Variants in TMEM150C observed in about 807,000 individuals in gnomAD.
TMEM150C encodes tentonin 3.
TMEM150C carries 10 observed loss-of-function variants against 29.9 expected under a neutral mutation model. The ratio of observed to expected loss-of-function variants is 0.33; its 90% CI spans 0.21 to 0.57. TMEM150C has a LOEUF of 0.57. Ranked by LOEUF, TMEM150C falls within the 20% of genes least tolerant of loss-of-function variation. The pLI is 0.88. For missense variants in TMEM150C, 251 were observed against 303.6 expected, an observed-to-expected ratio of 0.83 and a Z score of 1.29; for synonymous variants, 101 against 112.5, an observed-to-expected ratio of 0.90 and a Z score of 0.64.
chr4:82,535,121 C>G (rs1724964965), intron 1 of TMEM150C, among the ~76,000 whole-genome samples: 2 of 152,190 alleles, frequency 1.3e-5, no homozygotes, highest in South Asian at 4.1e-4. Flanking sequence ...ACATGGTTGT[C>G]TTAGTCCATT....
At chr4:82,557,419 A>G (rs1177536351) in intron 1 of TMEM150C, among the ~76,000 whole-genome samples, 2 of 152,170 alleles carry the variant, frequency 1.3e-5, no homozygotes, top group Non-Finnish European at 2.9e-5. Context: ...GATTGTAATC[A>G]AGGGAAGAGT....
chr4:82,561,372 C>CT (rs1380583367), intron 1 of TMEM150C, among the ~76,000 whole-genome samples: 1 of 152,246 alleles, frequency 6.6e-6, no homozygotes, highest in East Asian at 1.9e-4. Context: ...CAGGGCAAAG[C>CT]AAGTTAGTGC....
chr4:82,532,032 A>T (rs1422064484), intron 1 of TMEM150C, among the ~76,000 whole-genome samples: 2 of 152,180 alleles, frequency 1.3e-5, no homozygotes, highest in African/African-American at 2.4e-5. Flanking sequence ...CTTTGGCTGT[A>T]AACAAACAGA....
chr4:82,512,147 T>A (rs1428507848), intron 1 of TMEM150C, among the ~76,000 whole-genome samples: 1 of 152,188 alleles, frequency 6.6e-6, no homozygotes, highest in East Asian at 1.9e-4. Flanking sequence ...AGAATTTGCA[T>A]CCTTGATAGT....
intron 1 of TMEM150C, among the ~76,000 whole-genome samples, chr4:82,548,017 C>G (rs1430497995): frequency 2.0e-5 from 3 of 152,170 alleles, no homozygotes; most frequent in South Asian, 2.1e-4. Flanking sequence ...GAATACTATA[C>G]AGCCATAAAA....
At chr4:82,562,209 G>A (rs1472838135), upstream of TMEM150C, 3 of 1,285,876 alleles carry the variant, frequency 2.3e-6, no homozygotes, top group African/African-American at 4.6e-5. Context: ...TCCTTCCGAA[G>A]CCTTTGTGGA....
intron 1 of TMEM150C, among the ~76,000 whole-genome samples, chr4:82,551,288 A>G (rs542663816): frequency 7.8e-4 from 118 of 152,248 alleles, no homozygotes; most frequent in Non-Finnish European, 1.4e-3. Flanking sequence ...AGCATACACT[A>G]TACTATTTAT....
rs558114369 is a variant in TMEM150C, at chr4:82,521,702, A to T, written c.-10-17035T>A. On this transcript the variant is annotated intron_variant, in intron 1 of 7. Coordinates refer to ENST00000449862, the MANE Select transcript of TMEM150C (RefSeq NM_001080506.3). ...AGGAAATGCAAAATGTTTGTGGAGA[A>T]GACTCGGTGATGCAGAGGGGATGAC... 7.9e-5 allele frequency among the ~76,000 whole-genome samples: 12 copies of T among 152,308 alleles called. No individual in the cohort carries two copies. In the East Asian group the frequency reaches 2.1e-3, roughly 27 times the overall value.
intron 1 of TMEM150C, among the ~76,000 whole-genome samples, chr4:82,557,637 T>C (rs368116426): frequency 6.6e-6 from 1 of 152,074 alleles, no homozygotes; most frequent in East Asian, 1.9e-4. Context: ...AGCAGACACA[T>C]AGAAATTAAA....
intron 1 of TMEM150C, 33 bp downstream of exon 1, chr4:82,561,873 G>T: frequency 1.0e-6 from 1 of 984,036 alleles, no homozygotes; most frequent in Non-Finnish European, 1.2e-6. Context: ...GCTGCGCGAC[G>T]GGCCCAGGCA....
intron 1 of TMEM150C, among the ~76,000 whole-genome samples, chr4:82,505,772 A>G (rs1309269497): frequency 6.6e-6 from 1 of 152,238 alleles, no homozygotes; most frequent in African/African-American, 2.4e-5. Context: ...TTACAAAAAT[A>G]TAGAAATAAA....
intron 7 of TMEM150C, among the ~76,000 whole-genome samples, chr4:82,486,507 T>A (rs1723167176): frequency 6.6e-6 from 1 of 152,208 alleles, no homozygotes; most frequent in South Asian, 2.1e-4. Context: ...GTGGCTGGCC[T>A]GTCTCTTCTA....
intron 1 of TMEM150C, among the ~76,000 whole-genome samples, chr4:82,522,340 T>C (rs1362452006): frequency 2.0e-5 from 3 of 152,064 alleles, no homozygotes; most frequent in Non-Finnish European, 4.4e-5. Context: ...AAGATGGGAG[T>C]AAGCTCCAAT....
chr4:82,485,792 G>T, intron 7 of TMEM150C, 73 bp from the exon 8 acceptor site: 1 of 1,381,394 alleles, frequency 7.2e-7, no homozygotes, highest in Non-Finnish European at 9.8e-7. Context: ...GGCAGAGACA[G>T]ATTATAGGAA....
chr4:82,492,395 T>G (rs1451820711), intron 6 of TMEM150C, among the ~76,000 whole-genome samples: 3 of 152,208 alleles, frequency 2.0e-5, no homozygotes, highest in African/African-American at 7.2e-5. Context: ...CCCAAAGTGC[T>G]GGGATTACAG....
intron 1 of TMEM150C, among the ~76,000 whole-genome samples, chr4:82,530,418 G>A (rs1724803194): frequency 6.6e-6 from 1 of 152,102 alleles, no homozygotes; most frequent in Admixed American, 6.5e-5. Context: ...TTAGCCGGGT[G>A]TGGTGGCGGG....
At chr4:82,527,832 T>TA (rs200077818) in intron 1 of TMEM150C, among the ~76,000 whole-genome samples, 2 of 152,148 alleles carry the variant, frequency 1.3e-5, no homozygotes, top group African/African-American at 4.8e-5. Flanking sequence ...TAGATAGATA[T>TA]AAACGGGTTG....
intron 6 of TMEM150C, chr4:82,490,913 C>G: frequency 1.4e-6 from 1 of 715,954 alleles, no homozygotes; most frequent in South Asian, 1.4e-5. Context: ...CATTGCCTCC[C>G]CAGTGATGGC....
chr4:82,535,401 C>T (rs1182821301), intron 1 of TMEM150C, among the ~76,000 whole-genome samples: 7 of 152,170 alleles, frequency 4.6e-5, no homozygotes, highest in South Asian at 2.1e-4. Flanking sequence ...CTGTCAAGAC[C>T]TGATCATTCT....
Sources: allele counts gnomAD v4.1 joint callset (sites outside exome capture counted in the v4.1 genomes callset), GRCh38; gene constraint gnomAD v4.1.1; transcripts MANE v1.5; gene names NCBI Gene and HGNC (gene_info 2026-07-23, HGNC 2026-07-21).